The following MCF2L variants were observed in gnomAD, a reference collection of about 807,000 sequenced individuals.
The protein encoded by MCF2L is MCF.2 cell line derived transforming sequence like, also known as guanine nucleotide exchange factor DBS.
A neutral mutation model predicts 153.4 loss-of-function variants in MCF2L; 97 were observed. That is an observed-to-expected ratio of 0.63 (90% CI 0.54 to 0.75). The LOEUF is 0.75. Among genes scored for constraint, MCF2L ranks in the 30% least tolerant of loss-of-function variants. The probability of loss-of-function intolerance (pLI) is 0.00; values close to 1 mark genes in which losing one functional copy is unlikely to be tolerated. For synonymous variants in MCF2L, 659 were observed against 632.2 expected (o/e 1.04, Z -0.64); for missense variants, 1,347 against 1,495.2 (o/e 0.90, Z 1.64).
chr13:112,905,998 A>G (rs2081169114), intron 2 of MCF2L, among the ~76,000 whole-genome samples: 1 of 152,240 alleles, frequency 6.6e-6, no homozygotes, highest in South Asian at 2.1e-4. Context: ...GGCGATGAAC[A>G]GTGTCCCGTC....
At position 113,070,771 on chromosome 13, in the gene MCF2L, C is replaced by T. The variant is rs369277372; in HGVS notation, c.996+598C>T. On this transcript the variant is annotated intron_variant, in intron 9 of 29. Coordinates refer to ENST00000535094, the MANE Select transcript of MCF2L (RefSeq NM_001112732.3). This position sits in a 1 kb window ranked among gnomAD's most constrained non-coding sequence, Gnocchi z 5.6. Reference sequence around the variant, plus strand: ...CAGCTCTCTGCAGACCCCCAGGTGCCGGTGGCTCACTCATTGTGTTCCCCG... The same window carrying T: ...CAGCTCTCTGCAGACCCCCAGGTGCTGGTGGCTCACTCATTGTGTTCCCCG... Among the ~76,000 whole-genome samples, 160 of 152,354 alleles carry T rather than the reference C, an allele frequency of 1.1e-3. No homozygotes were observed. The highest frequency in any genetic ancestry group is 3.5e-3 in the African/African-American group (147 of 41,576).
At chr13:113,060,024 G>T (rs1430162021) in intron 4 of MCF2L, among the ~76,000 whole-genome samples, 1 of 152,250 alleles carries the variant, frequency 6.6e-6, no homozygotes, top group Non-Finnish European at 1.5e-5. Context: ...CTGAACTCAG[G>T]TGTGGCCGGA....
intron 2 of MCF2L, among the ~76,000 whole-genome samples, chr13:112,929,794 G>A (rs1226274671): frequency 1.3e-5 from 2 of 152,228 alleles, no homozygotes; most frequent in South Asian, 2.1e-4. Flanking sequence ...CCACAGGCTC[G>A]GGAAGTGACT....
intron 1 of MCF2L, among the ~76,000 whole-genome samples, chr13:112,984,729 A>G (rs902588308): frequency 1.6e-4 from 25 of 152,090 alleles, no homozygotes; most frequent in African/African-American, 4.3e-4. Context: ...TGCACAAACA[A>G]AAGCTGTTCT....
rs143669548 is a variant in MCF2L, at chr13:112,983,685, C to T, written c.79+14227C>T. ...TGGTCATCAGGATGTGAGGCGGTGA[C>T]GGACACTTCAGTGCTCTGACGCACT... On this transcript the variant is annotated intron_variant, in intron 1 of 29. Transcript: ENST00000535094. The surrounding 1 kb of genome is among the most constrained non-coding windows in gnomAD (Gnocchi z 4.0). Among the ~76,000 whole-genome samples the T allele has an allele frequency of 2.0e-3, 308 of 152,330 alleles. No individual in the cohort carries two copies. The highest frequency in any genetic ancestry group is 3.4e-3 in the Non-Finnish European group (234 of 68,028).
In MCF2L at chr13:112,963,801, C is replaced by T. The variant is rs144364802; in HGVS notation, c.170-50962C>T. Reference sequence around the variant, plus strand: ...GAAGACAGGGAGAGATACAGGGAGACGGGCTCGCAGCTGGGTGGGGCCACA... The same window carrying T: ...GAAGACAGGGAGAGATACAGGGAGATGGGCTCGCAGCTGGGTGGGGCCACA... On this transcript the variant is annotated intron_variant, in intron 2 of 29. Coordinates refer to the MCF2L transcript ENST00000375608. Among the ~76,000 whole-genome samples, 1,004 of 152,280 alleles carry T rather than the reference C, an allele frequency of 6.6e-3. 11 individuals carry two copies. The highest frequency in any genetic ancestry group is 0.023 in the African/African-American group (954 of 41,542).
chr13:113,074,534 G>A lies in MCF2L; in HGVS notation c.1087G>A (p.Asp363Asn), dbSNP rs2033245353. Residue 363 changes from aspartate to asparagine, a missense_variant, in exon 10 of 30, where the codon GAC becomes AAC. Physicochemically the swap from Asp to Asn is conservative, Grantham distance 23. Coordinates refer to ENST00000535094, the MANE Select transcript of MCF2L (RefSeq NM_001112732.3). This position sits in a 1 kb window ranked among gnomAD's most constrained non-coding sequence, Gnocchi z 4.2. ...SLAHVEHLLR[D>N]LASFEEKSGV... The stretch of plus-strand genomic sequence containing the variant: ...GGCGCATGTGGAGCACCTGCTGAGG[G>A]ACCTGGCCAGCTTCGAGGAGAAATC... 1 of 1,613,888 alleles carries A rather than the reference G, an allele frequency of 6.2e-7. No individual in the cohort carries two copies. Among genetic ancestry groups the A allele is most frequent in the Admixed American group, 1.7e-5 (1 of 60,018 alleles).
intron 27 of MCF2L, chr13:113,095,268 GAGGTGCAA>G: frequency 5.0e-6 from 6 of 1,190,628 alleles, no homozygotes; most frequent in Non-Finnish European, 6.4e-6. Context: ...CCCAAGGCTG[GAGGTGCAA>G]AGGGGACAGG....
intron 2 of MCF2L, among the ~76,000 whole-genome samples, chr13:112,913,626 C>T (rs991171014): frequency 6.6e-6 from 1 of 152,136 alleles, no homozygotes; most frequent in Non-Finnish European, 1.5e-5. Flanking sequence ...GTGCATGGGG[C>T]AGGCTGCTTC....
intron 20 of MCF2L, among the ~76,000 whole-genome samples, chr13:113,085,436 G>A (rs2034538139): frequency 6.6e-6 from 1 of 152,208 alleles, no homozygotes; most frequent in Non-Finnish European, 1.5e-5. Context: ...TCTGTGTGAT[G>A]TGCTGACCCG....
intron 2 of MCF2L, among the ~76,000 whole-genome samples, chr13:112,933,121 C>CT (rs1302247094): frequency 2.0e-5 from 3 of 152,194 alleles, no homozygotes; most frequent in Admixed American, 6.5e-5. Flanking sequence ...AGCAGGAGTG[C>CT]TGGGCCGACA....
intron 2 of MCF2L, among the ~76,000 whole-genome samples, chr13:112,912,806 GTGTA>G (rs1257615606): frequency 2.0e-5 from 3 of 148,544 alleles, no homozygotes; most frequent in South Asian, 4.2e-4. Flanking sequence ...ATCTCTGTGT[GTGTA>G]TGTATGTATG....
At chr13:112,971,259 C>G (rs971007785) in intron 1 of MCF2L, among the ~76,000 whole-genome samples, 4 of 152,194 alleles carry the variant, frequency 2.6e-5, no homozygotes, top group South Asian at 2.1e-4. Flanking sequence ...ACCTGATCCC[C>G]ACCTCGGGTT....
At chr13:112,931,979 C>A (rs1250206876) in intron 2 of MCF2L, among the ~76,000 whole-genome samples, 1 of 152,232 alleles carries the variant, frequency 6.6e-6, no homozygotes, top group East Asian at 1.9e-4. Flanking sequence ...TAATACATGA[C>A]TGGAGACAAG....
intron 2 of MCF2L, among the ~76,000 whole-genome samples, chr13:113,023,037 A>G (rs1416634384): frequency 3.3e-5 from 5 of 152,240 alleles, no homozygotes; most frequent in Non-Finnish European, 7.3e-5. Flanking sequence ...TCAGAGCACA[A>G]TGAAGCCAGA....
At chr13:112,968,056 T>G, upstream of MCF2L, 1 of 208,812 alleles carries the variant, frequency 4.8e-6, no homozygotes, top group Non-Finnish European at 9.5e-6. Context: ...ATGCTTGAAT[T>G]CCCAAACCAT....
In MCF2L at chr13:112,932,246, C is replaced by G. The variant is rs7989031; in HGVS notation, c.169+29875C>G. Among the ~76,000 whole-genome samples, 26,912 of 152,040 alleles carry G rather than the reference C, an allele frequency of 0.18. 2,434 individuals carry two copies. Among genetic ancestry groups the G allele is most frequent in the South Asian group, 0.23 (1,090 of 4,804 alleles). ...TGGGTAAGGCGTGACCGGGATGGCA[C>G]TTTACCTCTGTAGTCCTCCTCCCCA... On this transcript the variant is annotated intron_variant, in intron 2 of 29. Transcript: ENST00000375608. This position sits in a 1 kb window ranked among gnomAD's most constrained non-coding sequence, Gnocchi z 4.6.
At chr13:113,072,749 A>T (rs897974178) in intron 9 of MCF2L, among the ~76,000 whole-genome samples, 1 of 151,936 alleles carries the variant, frequency 6.6e-6, no homozygotes, top group Non-Finnish European at 1.5e-5. Flanking sequence ...TTCTTTGTCA[A>T]TCTAGATTGA....
intron 1 of MCF2L, among the ~76,000 whole-genome samples, chr13:113,006,878 G>T (rs763949258): frequency 2.0e-5 from 3 of 152,230 alleles, no homozygotes; most frequent in African/African-American, 4.8e-5. Context: ...TCTGTGGCGG[G>T]GTGTGGGGAG....
Sources: gnomAD v4.1 joint callset for allele counts (sites outside exome capture counted in the v4.1 genomes callset) on GRCh38, gnomAD v4.1.1 for gene constraint, Gnocchi (gnomAD v3.1) non-coding constraint, MANE v1.5 for transcripts, NCBI Gene and HGNC (gene_info 2026-07-23, HGNC 2026-07-21) for gene names.